The following CCN4 variants were observed in gnomAD, a reference collection of about 807,000 sequenced individuals.
CCN4 encodes the protein cellular communication network factor 4, also known as CCN family member 4.
Under a neutral mutation model 36.7 loss-of-function variants are expected in CCN4, and 30 were observed. The observed-to-expected ratio is 0.82, with a 90% CI of 0.61 to 1.11. The LOEUF (loss-of-function observed/expected upper bound fraction) is 1.11. Among genes scored for constraint, CCN4 ranks in the 50% least tolerant of loss-of-function variants. The probability of loss-of-function intolerance (pLI) is 0.00; values close to 1 mark genes in which losing one functional copy is unlikely to be tolerated. For missense variants in CCN4, 505 were observed against 504.9 expected, an observed-to-expected ratio of 1.00 and a Z score of 0.00; for synonymous variants, 191 against 195.4, an observed-to-expected ratio of 0.98 and a Z score of 0.19.
chr8:133,221,960 AGAC>A (rs1854548116), intron 3 of CCN4, among the ~76,000 whole-genome samples: 2 of 151,062 alleles, frequency 1.3e-5, no homozygotes, highest in South Asian at 4.2e-4. Context: ...ATAAATAAGT[AGAC>A]GAGGGGACAG....
At chr8:133,220,990 C>A in intron 3 of CCN4, 149 bp downstream of exon 3, 1 of 1,078,428 alleles carries the variant, frequency 9.3e-7, no homozygotes. Flanking sequence ...CCCCTGAGAC[C>A]CTATTTCCCC....
At chr8:133,207,476 T>C (rs914288889) in intron 1 of CCN4, among the ~76,000 whole-genome samples, 3 of 152,210 alleles carry the variant, frequency 2.0e-5, no homozygotes, top group African/African-American at 7.2e-5. Context: ...AAAATTCACA[T>C]GTGCACGGTG....
At chr8:133,212,321 C>T (rs1854077223) in intron 1 of CCN4, among the ~76,000 whole-genome samples, 1 of 152,018 alleles carries the variant, frequency 6.6e-6, no homozygotes. Context: ...CAGCCCTTTC[C>T]GGATGCTCAG....
chr8:133,223,820 C>A (rs1056198726), intron 3 of CCN4, among the ~76,000 whole-genome samples: 1 of 152,172 alleles, frequency 6.6e-6, no homozygotes, highest in Non-Finnish European at 1.5e-5. Flanking sequence ...TTTCTGTGGG[C>A]AGTTCTGTCT....
At chr8:133,197,227 A>G (rs749445889) in intron 1 of CCN4, among the ~76,000 whole-genome samples, 1 of 152,062 alleles carries the variant, frequency 6.6e-6, no homozygotes, top group Non-Finnish European at 1.5e-5. Context: ...AGACCCAACT[A>G]TATGCCCAGC....
intron 1 of CCN4, among the ~76,000 whole-genome samples, chr8:133,202,855 G>A (rs1022617554): frequency 1.3e-5 from 2 of 152,244 alleles, no homozygotes; most frequent in Non-Finnish European, 2.9e-5. Flanking sequence ...TGGGAAAAGA[G>A]GTGTTTGTTA....
In CCN4 at chr8:133,230,558, T is replaced by C. The variant is rs1345855328; in HGVS notation, c.*2848T>C. 6.6e-6 allele frequency: 1 copy of C among 152,196 alleles called. No homozygotes were observed. Among genetic ancestry groups the C allele is most frequent in the African/African-American group, 2.4e-5 (1 of 41,438 alleles). The allele number at this position is 152,196 out of a possible 1,614,324, so 9.4% of individuals were successfully genotyped here. A position where few individuals can be genotyped will look rare whatever the true frequency, so the allele number is the denominator to read the frequency against. ...TGGAAAAGACCTGAATGACACCTAT[T>C]GGAGAATTACATCTACAAGGGGCTT... is the stretch of plus-strand genomic sequence containing the variant. On this transcript the variant is annotated 3_prime_UTR_variant, in exon 5 of 5. Coordinates refer to ENST00000250160, the MANE Select transcript of CCN4 (RefSeq NM_003882.4).
intron 1 of CCN4, among the ~76,000 whole-genome samples, chr8:133,209,672 C>T (rs1676407088): frequency 6.6e-6 from 1 of 152,222 alleles, no homozygotes; most frequent in Non-Finnish European, 1.5e-5. Context: ...GTGGGATACC[C>T]ACCCGGTTCC....
At chr8:133,197,947 A>C (rs1853450038) in intron 1 of CCN4, among the ~76,000 whole-genome samples, 1 of 152,066 alleles carries the variant, frequency 6.6e-6, no homozygotes, top group South Asian at 2.1e-4. Context: ...GAGAGCAGGG[A>C]CTCATACCCC....
chr8:133,192,049 G>A (rs1003215016), intron 1 of CCN4, among the ~76,000 whole-genome samples: 2 of 152,328 alleles, frequency 1.3e-5, no homozygotes, highest in African/African-American at 2.4e-5. Context: ...TGCAAGGAGG[G>A]CAGGAGGTGG....
chr8:133,220,747 C>A lies in CCN4; in HGVS notation c.516C>A (p.Arg172=), dbSNP rs150221105. ...GTCTCTGGTGCCCCCACCCGCGGCGCGTGAGCATACCTGGCCACTGCTGTG... is the reference window on the plus strand; with the variant it reads ...GTCTCTGGTGCCCCCACCCGCGGCGAGTGAGCATACCTGGCCACTGCTGTG... ...PPRLWCPHPR[R]VSIPGHCCEQ... is the part of the protein sequence containing the mutation. Residue 172 remains arginine (R), a synonymous_variant, in exon 3 of 5, where the codon CGC becomes CGA. Coordinates refer to ENST00000250160, the MANE Select transcript of CCN4 (RefSeq NM_003882.4). The A allele has an allele frequency of 1.2e-6, 2 of 1,613,504 alleles. No individual in the cohort carries two copies. The highest frequency in any genetic ancestry group is 4.5e-5 in the East Asian group (2 of 44,866).
At chr8:133,202,288 A>G (rs1853614701) in intron 1 of CCN4, among the ~76,000 whole-genome samples, 1 of 152,182 alleles carries the variant, frequency 6.6e-6, no homozygotes, top group Non-Finnish European at 1.5e-5. Flanking sequence ...CCCTTATAAA[A>G]ATGTCATGAG....
chr8:133,198,322 C>T (rs950288292), intron 1 of CCN4, among the ~76,000 whole-genome samples: 5 of 152,164 alleles, frequency 3.3e-5, no homozygotes, highest in East Asian at 1.9e-4. Context: ...TTTCAGCCCA[C>T]GTCTCTTTTG....
intron 1 of CCN4, among the ~76,000 whole-genome samples, chr8:133,211,877 AGCAAAGG>A (rs1854053407): frequency 6.6e-6 from 1 of 152,072 alleles, no homozygotes; most frequent in Non-Finnish European, 1.5e-5. Context: ...TTCGAGATAG[AGCAAAGG>A]GCACAGATGG....
chr8:133,198,073 A>T (rs1391120405), intron 1 of CCN4, among the ~76,000 whole-genome samples: 3 of 152,122 alleles, frequency 2.0e-5, no homozygotes, highest in Admixed American at 1.3e-4. Flanking sequence ...TCACTTTCTC[A>T]TCTTGAAAGT....
At chr8:133,199,260 TG>T (rs1180030531) in intron 1 of CCN4, among the ~76,000 whole-genome samples, 1 of 152,064 alleles carries the variant, frequency 6.6e-6, no homozygotes, top group Non-Finnish European at 1.5e-5. Flanking sequence ...TGTCTTTATG[TG>T]AAAAAGGAAA....
intron 1 of CCN4, among the ~76,000 whole-genome samples, chr8:133,203,789 G>A (rs1017775038): frequency 2.0e-5 from 3 of 152,154 alleles, no homozygotes; most frequent in African/African-American, 4.8e-5. Flanking sequence ...TTCATCAAAC[G>A]GGACGCTTCA....
rs764510334 is a variant in CCN4 at position 133,225,428 on chromosome 8, A to G, written c.649A>G (p.Ile217Val). ...GEVEAWHRNC[I>V]AYTSPWSPCS... ...GGTGGAGGCATGGCACAGGAACTGC[A>G]TAGCCTACACAAGCCCCTGGAGCCC... Residue 217 changes from isoleucine (I) to valine (V), a missense_variant, in exon 4 of 5, where the codon ATA becomes GTA. Ile to Val is a conservative substitution (Grantham distance 29, BLOSUM62 3). Transcript: ENST00000250160. 6.2e-7 allele frequency: 1 copy of G among 1,613,298 alleles called. No homozygotes were observed. The highest frequency in any genetic ancestry group is 1.1e-5 in the South Asian group (1 of 90,928).
chr8:133,225,597 A>C lies in CCN4; in HGVS notation c.804+14A>C. On this transcript the variant is annotated intron_variant, in intron 4 of 4. Transcript: ENST00000250160. ...ACACTCATTAAGGTGGGTCCAGAGC[A>C]GGTGTGGATGTCTAGACTTCACAAG... The C allele has an allele frequency of 6.4e-7, 1 of 1,561,198 alleles. No individual in the cohort carries two copies.
Sources: allele counts gnomAD v4.1 joint callset (sites outside exome capture counted in the v4.1 genomes callset), GRCh38; gene constraint gnomAD v4.1.1; transcripts MANE v1.5; gene names NCBI Gene and HGNC (gene_info 2026-07-23, HGNC 2026-07-21).